Variants in SNTA1 observed in about 807,000 individuals in gnomAD.
SNTA1 encodes the protein alpha-1-syntrophin.
A neutral mutation model predicts 47.1 loss-of-function variants in SNTA1; 31 were observed. That is an observed-to-expected ratio of 0.66 (90% CI 0.49 to 0.89). The LOEUF is 0.89. Ranked by LOEUF, SNTA1 falls within the 40% of genes least tolerant of loss-of-function variation. The pLI is 0.00. For synonymous variants in SNTA1, 300 were observed against 313.6 expected (o/e 0.96, Z 0.46); for missense variants, 575 against 693.0 (o/e 0.83, Z 1.91).
At chr20:33,428,341 C>T (rs934498504) in intron 2 of SNTA1, among the ~76,000 whole-genome samples, 1 of 151,654 alleles carries the variant, frequency 6.6e-6, no homozygotes, top group Non-Finnish European at 1.5e-5. Context: ...TCCAGGAGGT[C>T]GAGGCTGCAG....
intron 2 of SNTA1, among the ~76,000 whole-genome samples, chr20:33,435,327 G>T (rs1357783099): frequency 1.3e-5 from 2 of 151,184 alleles, no homozygotes; most frequent in East Asian, 4.0e-4. Context: ...GCCAGGCATG[G>T]TGGCTCACGT....
intron 2 of SNTA1, among the ~76,000 whole-genome samples, chr20:33,426,890 C>T (rs1419594492): frequency 2.0e-5 from 3 of 151,632 alleles, no homozygotes; most frequent in African/African-American, 7.3e-5. Flanking sequence ...GGCAAAACTC[C>T]GTCTCTACCA....
At chr20:33,417,974 C>G in intron 2 of SNTA1, 51 bp from the exon 3 acceptor site, 1 of 1,199,264 alleles carries the variant, frequency 8.3e-7, no homozygotes, top group Non-Finnish European at 1.2e-6. Flanking sequence ...GCTCCCAGCA[C>G]ATATCACAAT....
At chr20:33,428,084 C>T (rs1444208016) in intron 2 of SNTA1, among the ~76,000 whole-genome samples, 1 of 152,036 alleles carries the variant, frequency 6.6e-6, no homozygotes, top group Admixed American at 6.6e-5. Flanking sequence ...AGTCCTCCAG[C>T]CCAATAATGG....
chr20:33,430,124 T>C (rs1454004571), intron 2 of SNTA1, among the ~76,000 whole-genome samples: 1 of 152,040 alleles, frequency 6.6e-6, no homozygotes, highest in African/African-American at 2.4e-5. Flanking sequence ...GAAGCCTAGA[T>C]TCAGGGTTCT....
chr20:33,443,319 C>T lies in SNTA1; in HGVS notation c.302G>A (p.Ser101Asn). ...RKADAGGLGI[S>N]IKGGRENKMP... ...CGGTGTCCCGCGCCCACCTTTGATG[C>T]TGATGCCCAGCCCACCGGCGTCGGC... Residue 101 changes from serine (S) to asparagine (N), a missense_variant, in exon 1 of 8, where the codon AGC becomes AAC. By Grantham distance (46) the Ser-to-Asn change is conservative. Coordinates refer to ENST00000217381, the MANE Select transcript of SNTA1 (RefSeq NM_003098.3). 1 of 1,509,916 alleles carries T rather than the reference C, an allele frequency of 6.6e-7. No individual in the cohort carries two copies. The highest frequency in any genetic ancestry group is 2.7e-5 in the East Asian group (1 of 36,556). The allele number at this position is 1,509,916 out of a possible 1,614,324, so 93.5% of individuals were successfully genotyped here. A position where few individuals can be genotyped will look rare whatever the true frequency, so the allele number is the denominator to read the frequency against.
chr20:33,431,971 G>A (rs1277128497), intron 2 of SNTA1, among the ~76,000 whole-genome samples: 1 of 152,196 alleles, frequency 6.6e-6, no homozygotes, highest in Non-Finnish European at 1.5e-5. Flanking sequence ...AACAGGCCAG[G>A]GCTGGATTAA....
intron 2 of SNTA1, among the ~76,000 whole-genome samples, chr20:33,435,721 A>C (rs578228810): frequency 6.6e-6 from 1 of 152,352 alleles, no homozygotes; most frequent in East Asian, 1.9e-4. Context: ...CAGCAGGCAC[A>C]CAGTAGATGT....
chr20:33,419,962 C>T (rs1989979770), intron 2 of SNTA1, among the ~76,000 whole-genome samples: 2 of 151,844 alleles, frequency 1.3e-5, no homozygotes, highest in South Asian at 2.1e-4. Flanking sequence ...CTCACTCTGT[C>T]GCCCAGGCTG....
At chr20:33,418,919 C>T (rs1024333271) in intron 2 of SNTA1, among the ~76,000 whole-genome samples, 1 of 151,318 alleles carries the variant, frequency 6.6e-6, no homozygotes, top group Admixed American at 6.6e-5. Context: ...TTCAAGACCA[C>T]CCTGGCCAAC....
At chr20:33,438,354 C>A (rs552314319) in intron 2 of SNTA1, among the ~76,000 whole-genome samples, 1 of 152,178 alleles carries the variant, frequency 6.6e-6, no homozygotes, top group South Asian at 2.1e-4. Context: ...GAGGATGGGT[C>A]TTGGGGTTTT....
chr20:33,423,985 G>A (rs191007787), intron 2 of SNTA1, among the ~76,000 whole-genome samples: 1 of 152,028 alleles, frequency 6.6e-6, no homozygotes, highest in Non-Finnish European at 1.5e-5. Flanking sequence ...GGGCTGCCCT[G>A]TTTTCCAGTT....
chr20:33,410,335 G>A lies in SNTA1; in HGVS notation c.1041-4C>T, dbSNP rs1385478283. The A allele has an allele frequency of 1.3e-6, 2 of 1,591,082 alleles. No homozygotes were observed. Among genetic ancestry groups the A allele is most frequent in the African/African-American group, 2.7e-5 (2 of 74,420 alleles). On this transcript the variant is annotated splice_region_variant and splice_polypyrimidine_tract_variant and intron_variant, in intron 5 of 7. Transcript: ENST00000217381. ...GGAGGGGCCTGAGTGCACCAGTCTG[G>A]GGGTTGGGGGCAGAGGGCTGAGCAT...
At chr20:33,428,149 G>A (rs998113081) in intron 2 of SNTA1, among the ~76,000 whole-genome samples, 1 of 152,136 alleles carries the variant, frequency 6.6e-6, no homozygotes, top group Admixed American at 6.6e-5. Flanking sequence ...GCTCACACGT[G>A]TAATCCCAGC....
intron 2 of SNTA1, among the ~76,000 whole-genome samples, chr20:33,429,026 G>A (rs1321664080): frequency 1.3e-5 from 2 of 151,488 alleles, no homozygotes; most frequent in East Asian, 3.9e-4. Flanking sequence ...GGGCAACAAA[G>A]CAAGACTCGG....
chr20:33,430,345 G>A (rs921704905), intron 2 of SNTA1, among the ~76,000 whole-genome samples: 47 of 140,298 alleles, frequency 3.4e-4, no homozygotes, highest in African/African-American at 1.2e-3. Flanking sequence ...CTGGAGTGCC[G>A]TGGCGTGATC....
chr20:33,423,663 T>G (rs1001088710), intron 2 of SNTA1, among the ~76,000 whole-genome samples: 1 of 152,092 alleles, frequency 6.6e-6, no homozygotes, highest in African/African-American at 2.4e-5. Context: ...TGGAAACACA[T>G]GGAAGAGAAA....
rs56157422 is a variant in SNTA1 at position 33,412,714 on chromosome 20, G to C, written c.770C>G (p.Ala257Gly). 3,508 of 1,613,556 alleles carry C rather than the reference G, an allele frequency of 2.2e-3. 10 individuals are homozygous for C. Among genetic ancestry groups the C allele is most frequent in the Non-Finnish European group, 2.7e-3 (3,179 of 1,179,928 alleles). ...LFLRAKDEAS[A>G]RSWATAIQAQ... ...TTGGATGGCAGTCGCCCACGACCTCGCACTAGCCTCATCCTTGGCCCTCAG... is the reference window on the plus strand; with the variant it reads ...TTGGATGGCAGTCGCCCACGACCTCCCACTAGCCTCATCCTTGGCCCTCAG... The change falls in exon 4 of 8, where the codon GCG becomes GGG. Residue 257 changes from alanine (A) to glycine (G), a missense_variant. Physicochemically the swap from Ala to Gly is moderately conservative, Grantham distance 60. Coordinates refer to ENST00000217381, the MANE Select transcript of SNTA1 (RefSeq NM_003098.3).
intron 2 of SNTA1, among the ~76,000 whole-genome samples, chr20:33,434,109 A>T (rs148039146): frequency 1.3e-4 from 20 of 152,204 alleles, no homozygotes; most frequent in African/African-American, 4.3e-4. Flanking sequence ...TGAGTGGGGA[A>T]ATGTTGAACA....
Sources: gnomAD v4.1 joint callset for allele counts (sites outside exome capture counted in the v4.1 genomes callset) on GRCh38, gnomAD v4.1.1 for gene constraint, MANE v1.5 for transcripts, NCBI Gene and HGNC (gene_info 2026-07-23, HGNC 2026-07-21) for gene names.